Variants in DSG2 observed in about 807,000 individuals in gnomAD.
DSG2 encodes the protein desmoglein 2, also known as desmoglein-2.
Under a neutral mutation model 75.6 loss-of-function variants are expected in DSG2, and 45 were observed. That is an observed-to-expected ratio of 0.60 (90% CI 0.47 to 0.76). DSG2 has a LOEUF of 0.76. Among genes scored for constraint, DSG2 ranks in the 30% least tolerant of loss-of-function variants. The pLI is 0.00. For synonymous variants in DSG2, 429 were observed against 483.9 expected, an observed-to-expected ratio of 0.89 and a Z score of 1.49; for missense variants, 1,267 against 1,357.4, an observed-to-expected ratio of 0.93 and a Z score of 1.05.
At chr18:31,532,915 G>C (rs760536623) in intron 9 of DSG2, among the ~76,000 whole-genome samples, 1 of 90,040 alleles carries the variant, frequency 1.1e-5, no homozygotes, top group Non-Finnish European at 2.7e-5. Context: ...TGTTTTGTTT[G>C]TTTGTTTGTT....
chr18:31,507,424 A>G (rs1045389038), intron 1 of DSG2, among the ~76,000 whole-genome samples: 1 of 152,164 alleles, frequency 6.6e-6, no homozygotes, highest in Non-Finnish European at 1.5e-5. Flanking sequence ...ATGATTTATA[A>G]TCTTATGGGT....
Position 31,544,767 on chromosome 18 carries a change from A to C in DSG2, c.2335-954A>C, listed in dbSNP as rs550080821. Among the ~76,000 whole-genome samples the C allele has an allele frequency of 4.6e-5, 7 of 152,286 alleles. No homozygotes were observed. The South Asian group carries it at 1.5e-3, about 32-fold the overall frequency. ...CAGATCTTACAGACATAGTAAGAAT[A>C]ATTTTTTAAAAAGTAGGACTGGGTG... On this transcript the variant is annotated intron_variant, in intron 14 of 14. Coordinates refer to ENST00000261590, the MANE Select transcript of DSG2 (RefSeq NM_001943.5).
intron 1 of DSG2, among the ~76,000 whole-genome samples, chr18:31,510,178 T>A (rs1430715867): frequency 6.6e-6 from 1 of 152,232 alleles, no homozygotes; most frequent in East Asian, 1.9e-4. Flanking sequence ...TGTGTTTGAG[T>A]TCTAAAGATA....
intron 9 of DSG2, among the ~76,000 whole-genome samples, chr18:31,533,024 T>C (rs1398047557): frequency 6.6e-6 from 1 of 152,214 alleles, no homozygotes; most frequent in African/African-American, 2.4e-5. Context: ...TGTTTTATTG[T>C]ATTCTTTAGA....
chr18:31,541,005 C>T (rs1471453991), intron 12 of DSG2, among the ~76,000 whole-genome samples, 188 bp from the exon 13 acceptor site: 2 of 152,038 alleles, frequency 1.3e-5, no homozygotes, highest in East Asian at 1.9e-4. Flanking sequence ...ATCCTGCCTT[C>T]GGGTTTTGGA....
Position 31,547,709 on chromosome 18 carries a change from TTA to T in DSG2, c.*969_*970del. ...AAAAGAAAAGGAAAAAAAAATAGCA[TTA>T]TACCTCTTCCTTGTCTCAACCGCCA... is the stretch of plus-strand genomic sequence containing the variant. On this transcript the variant is annotated 3_prime_UTR_variant, in exon 15 of 15. Transcript: ENST00000261590. 6.6e-6 allele frequency: 1 copy of T among 151,850 alleles called. No individual in the cohort carries two copies. The highest frequency in any genetic ancestry group is 1.9e-4 in the East Asian group (1 of 5,188). The allele number at this position is 151,850 out of a possible 1,614,324, so 9.4% of individuals were successfully genotyped here.
intron 13 of DSG2, among the ~76,000 whole-genome samples, chr18:31,541,640 C>T (rs2073268765): frequency 1.3e-5 from 2 of 152,130 alleles, no homozygotes. Flanking sequence ...TGCTTCATTT[C>T]CATTTCCCTC....
chr18:31,509,818 C>T (rs2073057486), intron 1 of DSG2, among the ~76,000 whole-genome samples: 1 of 152,202 alleles, frequency 6.6e-6, no homozygotes, highest in Admixed American at 6.5e-5. Flanking sequence ...ATGGACGCTA[C>T]TACAGACCAG....
intron 9 of DSG2, among the ~76,000 whole-genome samples, chr18:31,534,790 G>T (rs887621607): frequency 6.6e-6 from 1 of 152,158 alleles, no homozygotes; most frequent in African/African-American, 2.4e-5. Flanking sequence ...GATTACAGGC[G>T]TGAGCCACCG....
intron 1 of DSG2, 138 bp downstream of exon 1, chr18:31,498,434 G>A (rs1045008469): frequency 2.2e-5 from 21 of 969,804 alleles, no homozygotes; most frequent in Non-Finnish European, 2.5e-5. Context: ...CCCGAGGGGG[G>A]AAAAGGGCCG....
chr18:31,542,811 G>T lies in DSG2; in HGVS notation c.2293G>T (p.Val765Phe), dbSNP rs2073278026. Reference sequence around the variant, plus strand: ...CATGGCCGGAGCTCAGGCAGCTGCTGTTGCACTGAACGAAGAATTCTTAAG... The same window carrying T: ...CATGGCCGGAGCTCAGGCAGCTGCTTTTGCACTGAACGAAGAATTCTTAAG... ...RDMAGAQAAA[V>F]ALNEEFLRNY... Residue 765 changes from valine (V) to phenylalanine (F), a missense_variant, in exon 14 of 15, where the codon GTT becomes TTT. Coordinates refer to ENST00000261590, the MANE Select transcript of DSG2 (RefSeq NM_001943.5). 2 of 1,560,132 alleles carry T rather than the reference G, an allele frequency of 1.3e-6. No homozygotes were observed. Among genetic ancestry groups the T allele is most frequent in the Non-Finnish European group, 1.7e-6 (2 of 1,153,232 alleles).
intron 1 of DSG2, among the ~76,000 whole-genome samples, chr18:31,509,422 A>C (rs2073055376): frequency 1.8e-5 from 1 of 56,902 alleles, no homozygotes; most frequent in African/African-American, 8.4e-5. Context: ...TAAAAGTTCA[A>C]AATATTGCTC....
chr18:31,548,173 C>T lies in DSG2; in HGVS notation c.*1430C>T, dbSNP rs1209820224. The T allele has an allele frequency of 6.6e-6, 1 of 152,152 alleles. No individual in the cohort carries two copies. Among genetic ancestry groups the T allele is most frequent in the Non-Finnish European group, 1.5e-5 (1 of 68,026 alleles). 9.4% of individuals were successfully genotyped at this position (152,152 alleles called of 1,614,324 possible). ...AAATAATTGACTTGATTTTACACAA[C>T]ATCCTTCCCTTTTCTACAAGTTAAT... On this transcript the variant is annotated 3_prime_UTR_variant, in exon 15 of 15. Transcript: ENST00000261590.
At chr18:31,516,656 G>A (rs1242012794) in intron 1 of DSG2, among the ~76,000 whole-genome samples, 1 of 152,200 alleles carries the variant, frequency 6.6e-6, no homozygotes, top group African/African-American at 2.4e-5. Flanking sequence ...GCCACCCCAT[G>A]GAAAGAGCAG....
intron 8 of DSG2, 69 bp downstream of exon 8, chr18:31,524,957 G>A: frequency 2.1e-6 from 3 of 1,441,168 alleles, no homozygotes; most frequent in Non-Finnish European, 2.9e-6. Context: ...TATATTTTGA[G>A]CCCTGAACAC....
chr18:31,530,423 G>A (rs543585028), intron 8 of DSG2, among the ~76,000 whole-genome samples: 5 of 152,162 alleles, frequency 3.3e-5, no homozygotes, highest in East Asian at 1.9e-4. Context: ...AGATATGTGT[G>A]TGTGTATGTT....
intron 14 of DSG2, among the ~76,000 whole-genome samples, chr18:31,545,441 A>C (rs2144358112): frequency 6.6e-6 from 1 of 152,288 alleles, no homozygotes; most frequent in African/African-American, 2.4e-5. Flanking sequence ...TGTTTTTCTC[A>C]GGATCCTGCA....
At chr18:31,498,428 A>AGGG (rs959695570) in intron 1 of DSG2, 132 bp downstream of exon 1, 5 of 978,410 alleles carry the variant, frequency 5.1e-6, no homozygotes, top group Non-Finnish European at 5.3e-6. Context: ...CTGCTGCCCG[A>AGGG]GGGGGGAAAA....
chr18:31,523,725 T>G (rs1268542755), intron 6 of DSG2, among the ~76,000 whole-genome samples: 1 of 152,232 alleles, frequency 6.6e-6, no homozygotes, highest in African/African-American at 2.4e-5. Context: ...TGAGGCAGAT[T>G]CACTTATTAT....
Sources: gnomAD v4.1 joint callset for allele counts (sites outside exome capture counted in the v4.1 genomes callset) on GRCh38, gnomAD v4.1.1 for gene constraint, MANE v1.5 for transcripts, NCBI Gene and HGNC (gene_info 2026-07-23, HGNC 2026-07-21) for gene names.